Variants in PRH1 observed in about 807,000 individuals in gnomAD.
PRH1 encodes proline rich protein HaeIII subfamily 1, also known as salivary acidic proline-rich phosphoprotein 1/2.
Under a neutral mutation model 7.9 loss-of-function variants are expected in PRH1, and 7 were observed. That is an observed-to-expected ratio of 0.89 (90% confidence interval 0.50 to 1.67). The LOEUF (loss-of-function observed/expected upper bound fraction) is 1.67. Among genes scored for constraint, PRH1 ranks in the 40% most tolerant of loss-of-function variants. PRH1 has a pLI of 0.00. For synonymous variants in PRH1, 45 were observed against 80.8 expected, an observed-to-expected ratio of 0.56 and a Z score of 2.38; for missense variants, 109 against 223.6, an observed-to-expected ratio of 0.49 and a Z score of 3.27.
intron 1 of PRH1, among the ~76,000 whole-genome samples, chr12:11,009,634 C>G (rs1156547549): frequency 6.6e-6 from 1 of 151,812 alleles, no homozygotes; most frequent in Non-Finnish European, 1.5e-5. Flanking sequence ...CAACTCTGGT[C>G]AGATAATAGA....
intron 1 of PRH1, among the ~76,000 whole-genome samples, chr12:10,979,286 A>G (rs988097976): frequency 6.6e-6 from 1 of 152,190 alleles, no homozygotes; most frequent in Non-Finnish European, 1.5e-5. Context: ...CTGCAGAGAG[A>G]AGTGAGATTT....
At chr12:11,043,986 G>C (rs143414824) in intron 1 of PRH1, among the ~76,000 whole-genome samples, 2 of 152,042 alleles carry the variant, frequency 1.3e-5, no homozygotes, top group Non-Finnish European at 2.9e-5. Context: ...ATAGCCAAAA[G>C]TATCCTAAGA....
intron 1 of PRH1, among the ~76,000 whole-genome samples, chr12:11,057,956 A>G (rs75010210): frequency 5.5e-3 from 643 of 116,708 alleles, no homozygotes; most frequent in South Asian, 0.011. Flanking sequence ...TAATATATTA[A>G]TAATATTACA....
intron 1 of PRH1, among the ~76,000 whole-genome samples, chr12:11,103,109 C>G (rs990600764): frequency 3.3e-5 from 5 of 152,166 alleles, no homozygotes; most frequent in African/African-American, 1.2e-4. Context: ...TAAACTAGTT[C>G]AAACATTGTG....
intron 2 of PRH1, among the ~76,000 whole-genome samples, chr12:10,922,025 C>T (rs1201242455): frequency 1.1e-4 from 17 of 152,326 alleles, no homozygotes; most frequent in Admixed American, 1.0e-3. Context: ...CTGTCTTGAC[C>T]TCCCAATGTT....
intron 1 of PRH1, among the ~76,000 whole-genome samples, chr12:11,063,448 G>A (rs1468077896): frequency 1.3e-5 from 2 of 151,988 alleles, no homozygotes; most frequent in Non-Finnish European, 2.9e-5. Context: ...AAGTCAGATT[G>A]CCCCCACCTG....
At position 10,973,493 on chromosome 12, in the gene PRH1, T is replaced by C. The variant is rs1362464140; in HGVS notation, c.-59+162A>G. The C allele has an allele frequency of 6.0e-6, 3 of 502,456 alleles. No homozygotes were observed. In the Admixed American group the frequency reaches 1.1e-4, roughly 18 times the overall value. 31.1% of individuals were successfully genotyped at this position (502,456 alleles called of 1,614,324 possible). ...TACTATCAGCCTTAGGATAGCCATC[T>C]GTAAAACGCACACAATAACAATACC... On this transcript the variant is annotated intron_variant, in intron 2 of 3. Coordinates refer to the PRH1 transcript ENST00000539853.
chr12:11,014,120 T>A (rs998641837), intron 1 of PRH1, among the ~76,000 whole-genome samples: 4 of 152,186 alleles, frequency 2.6e-5, no homozygotes, highest in Non-Finnish European at 5.9e-5. Context: ...AAATAAATAA[T>A]ATAAATGGAT....
intron 2 of PRH1, among the ~76,000 whole-genome samples, chr12:10,922,351 T>A (rs1262238920): frequency 6.6e-6 from 1 of 152,230 alleles, no homozygotes; most frequent in African/African-American, 2.4e-5. Flanking sequence ...TCATTTTGAT[T>A]GTGAAAAGCT....
intron 1 of PRH1, chr12:11,133,479 C>T (rs1946436384): frequency 1.9e-6 from 3 of 1,613,946 alleles, no homozygotes; most frequent in Admixed American, 1.7e-5. Flanking sequence ...GGTTGCTTTT[C>T]CAGCCTCCCA....
At chr12:10,961,833 G>A (rs562456067) in intron 2 of PRH1, among the ~76,000 whole-genome samples, 13 of 152,352 alleles carry the variant, frequency 8.5e-5, no homozygotes, top group Non-Finnish European at 1.5e-4. Flanking sequence ...AATGCTGGCT[G>A]TGGTATTCCC....
Position 10,949,230 on chromosome 12 carries a change from C to G in PRH1, c.-59+24425G>C, listed in dbSNP as rs550435003. 1.5e-3 allele frequency among the ~76,000 whole-genome samples: 232 copies of G among 152,286 alleles called. 1 individual carries two copies. The highest frequency in any genetic ancestry group is 2.6e-3 in the Non-Finnish European group (180 of 68,018). On this transcript the variant is annotated intron_variant, in intron 2 of 3. Coordinates refer to the PRH1 transcript ENST00000539853. ...CCAGAGAGATGCAGGTCAGCAAACA[C>G]TCAGTGCAGTCAGCCCAAGATGGAG...
chr12:11,106,949 A>G (rs944780610), intron 1 of PRH1, among the ~76,000 whole-genome samples: 15 of 152,170 alleles, frequency 9.9e-5, no homozygotes, highest in African/African-American at 3.4e-4. Context: ...AAGAATTATT[A>G]ATTTTTTGTA....
At chr12:10,972,938 C>CCT (rs1249932559) in intron 2 of PRH1, among the ~76,000 whole-genome samples, 1 of 127,446 alleles carries the variant, frequency 7.8e-6, no homozygotes, top group Non-Finnish European at 1.7e-5. Flanking sequence ...ACCCACCCCC[C>CCT]CCGCCCGCCC....
intron 1 of PRH1, among the ~76,000 whole-genome samples, chr12:11,152,742 A>C (rs1463626930): frequency 6.6e-6 from 1 of 152,170 alleles, no homozygotes; most frequent in African/African-American, 2.4e-5. Context: ...TTAATGTTGT[A>C]CTTGTCTGTG....
rs1257151407 is a variant in PRH1, at chr12:11,072,485, G to A, written n.124-25297C>T. On this transcript the variant is annotated intron_variant and non_coding_transcript_variant, in intron 1 of 4. Coordinates refer to the PRH1 transcript ENST00000541977. ...ACTATTAGAGCAGGACCAAGGCGAA[G>A]CCTGCGAAATTCTCCTCCACTGGCA... is the stretch of plus-strand genomic sequence containing the variant. Among the ~76,000 whole-genome samples, 16 of 152,348 alleles carry A rather than the reference G, an allele frequency of 1.1e-4. No homozygotes were observed. In the East Asian group the frequency reaches 3.1e-3, roughly 29 times the overall value.
At chr12:11,032,614 C>A (rs1412240648) in intron 1 of PRH1, among the ~76,000 whole-genome samples, 1 of 152,178 alleles carries the variant, frequency 6.6e-6, no homozygotes, top group African/African-American at 2.4e-5. Context: ...TATTTTCCCA[C>A]TCAGGGTTTT....
At chr12:10,996,466 A>C (rs1032100212) in intron 1 of PRH1, 2 of 152,324 alleles carry the variant, frequency 1.3e-5, no homozygotes, top group African/African-American at 4.8e-5. Flanking sequence ...TTAAACAGTT[A>C]AACACACTAT....
chr12:11,138,575 G>C (rs539136855), intron 1 of PRH1, among the ~76,000 whole-genome samples: 3 of 152,058 alleles, frequency 2.0e-5, no homozygotes, highest in Non-Finnish European at 4.4e-5. Flanking sequence ...TAGTTTATTG[G>C]AAATTCATGA....
Sources: gnomAD v4.1 joint callset for allele counts (sites outside exome capture counted in the v4.1 genomes callset) on GRCh38, gnomAD v4.1.1 for gene constraint, MANE v1.5 for transcripts, NCBI Gene and HGNC (gene_info 2026-07-23, HGNC 2026-07-21) for gene names.